The following ESRRG variants were observed in gnomAD, a reference collection of about 807,000 sequenced individuals.
The protein encoded by ESRRG is estrogen-related receptor gamma.
ESRRG carries 13 observed loss-of-function variants against 44.0 expected under a neutral mutation model. That is an observed-to-expected ratio of 0.30 (90% CI 0.19 to 0.47). The LOEUF (loss-of-function observed/expected upper bound fraction) is 0.47, where lower values mean the gene tolerates loss of function less well. Among genes scored for constraint, ESRRG ranks in the 20% least tolerant of loss-of-function variants. The pLI, the probability that ESRRG is intolerant of heterozygous loss-of-function variation, is 1.00. For missense variants in ESRRG, 395 were observed against 580.6 expected (o/e 0.68, Z 3.29); for synonymous variants, 215 against 214.6 (o/e 1.00, Z -0.02).
chr1:217,118,655 T>C (rs894898455), intron 1 of ESRRG, among the ~76,000 whole-genome samples: 1 of 152,146 alleles, frequency 6.6e-6, no homozygotes, highest in Non-Finnish European at 1.5e-5. Flanking sequence ...CTCAGTTATC[T>C]GCACAGTTAA....
At chr1:216,763,505 G>A (rs996191414) in intron 2 of ESRRG, among the ~76,000 whole-genome samples, 13 of 152,082 alleles carry the variant, frequency 8.5e-5, no homozygotes, top group African/African-American at 3.1e-4. Context: ...AAAGAGGGAG[G>A]AGAATGAAAG....
chr1:216,692,308 G>C (rs566084977), intron 1 of ESRRG, among the ~76,000 whole-genome samples: 63 of 29,348 alleles, frequency 2.1e-3, no homozygotes, highest in African/African-American at 8.4e-3. Context: ...GCCTAGGCTA[G>C]TGTATGTGTG....
intron 1 of ESRRG, among the ~76,000 whole-genome samples, chr1:216,972,408 A>C (rs1430042806): frequency 1.3e-5 from 2 of 152,182 alleles, no homozygotes; most frequent in Non-Finnish European, 2.9e-5. Flanking sequence ...AACTGAGTAC[A>C]TTAATTGCTA....
intron 3 of ESRRG, among the ~76,000 whole-genome samples, chr1:216,619,476 T>C (rs1375728488): frequency 6.6e-6 from 1 of 152,206 alleles, no homozygotes; most frequent in Admixed American, 6.5e-5. Flanking sequence ...CTTACCTTCA[T>C]TGGCTTTCAA....
At chr1:217,026,912 C>G (rs12137948) in intron 1 of ESRRG, among the ~76,000 whole-genome samples, 19,054 of 92,546 alleles carry the variant, frequency 0.21, 2,360 homozygotes, top group East Asian at 0.44. Flanking sequence ...CACACACACA[C>G]AGAGAGAGAG....
rs2091985434 is a variant in ESRRG at position 217,084,898 on chromosome 1, A to G, written c.-106+4609T>C. Among the ~76,000 whole-genome samples, 3 of 152,344 alleles carry G rather than the reference A, an allele frequency of 2.0e-5. No individual in the cohort carries two copies. The Middle Eastern group carries it at 0.01, about 518-fold the overall frequency. The stretch of plus-strand genomic sequence containing the variant: ...TTAAATGAACAAAGTATCCTTCATA[A>G]TAAAAATGTAAATAAAGGCCTGATT... On this transcript the variant is annotated intron_variant, in intron 1 of 7. Transcript: ENST00000359162.
chr1:216,967,495 C>G (rs764673252), intron 1 of ESRRG, among the ~76,000 whole-genome samples: 10 of 152,220 alleles, frequency 6.6e-5, no homozygotes, highest in Non-Finnish European at 1.3e-4. Context: ...TACTATATAG[C>G]CTTTTCAAAT....
rs527826080 is a variant in ESRRG at position 216,504,191 on chromosome 1, A to G, written c.*2748T>C. ...TAATGTGATACAGTGAAAACAATGTATATATTGTATATATTTTATTTATAT... is the reference window on the plus strand; with the variant it reads ...TAATGTGATACAGTGAAAACAATGTGTATATTGTATATATTTTATTTATAT... On this transcript the variant is annotated 3_prime_UTR_variant, in exon 7 of 7. Coordinates refer to ENST00000408911, the MANE Select transcript of ESRRG (RefSeq NM_001438.4). The G allele has an allele frequency of 6.6e-6, 1 of 152,300 alleles. No individual in the cohort carries two copies. The highest frequency in any genetic ancestry group is 1.9e-4 in the East Asian group (1 of 5,188). The allele number at this position is 152,300 out of a possible 1,614,324, so 9.4% of individuals were successfully genotyped here.
chr1:216,574,298 A>G (rs2061322227), intron 3 of ESRRG, among the ~76,000 whole-genome samples: 1 of 152,148 alleles, frequency 6.6e-6, no homozygotes, highest in South Asian at 2.1e-4. Context: ...TACAAATCTT[A>G]TACATTGTCA....
chr1:216,987,198 T>C (rs1372400793), intron 1 of ESRRG, among the ~76,000 whole-genome samples: 1 of 152,270 alleles, frequency 6.6e-6, no homozygotes, highest in Non-Finnish European at 1.5e-5. Context: ...TTTCCCATTC[T>C]GAACAAATAT....
At chr1:216,675,308 C>T (rs1262797931) in intron 2 of ESRRG, among the ~76,000 whole-genome samples, 2 of 151,378 alleles carry the variant, frequency 1.3e-5, no homozygotes, top group African/African-American at 2.4e-5. Flanking sequence ...TGCAGTGAGC[C>T]GAGATCATGC....
chr1:216,877,570 AT>A lies in ESRRG; in HGVS notation c.-14+62011del, dbSNP rs971149926. Among the ~76,000 whole-genome samples, 2 of 151,412 alleles carry A rather than the reference AT, an allele frequency of 1.3e-5. 1 individual carries two copies. The highest frequency in any genetic ancestry group is 1.3e-4 in the Admixed American group (2 of 15,174). ...AGGCACGCACCACCATACCTGGCTA[AT>A]TTTTTTGTATTTTTTAGTAGAGACA... On this transcript the variant is annotated intron_variant, in intron 2 of 7. Transcript: ENST00000359162.
chr1:217,118,788 T>C (rs1580621840), intron 1 of ESRRG, among the ~76,000 whole-genome samples: 2 of 151,902 alleles, frequency 1.3e-5, no homozygotes, highest in African/African-American at 4.8e-5. Flanking sequence ...GGCCAGGAGC[T>C]TAAGACCAGC....
chr1:216,780,391 G>A (rs77752886), intron 2 of ESRRG, among the ~76,000 whole-genome samples: 2 of 151,922 alleles, frequency 1.3e-5, no homozygotes, highest in African/African-American at 4.8e-5. Context: ...ATGGACCCTG[G>A]GAATGCCTGG....
intron 2 of ESRRG, among the ~76,000 whole-genome samples, chr1:216,930,186 T>G (rs1406671941): frequency 1.3e-5 from 2 of 152,218 alleles, no homozygotes; most frequent in African/African-American, 4.8e-5. Flanking sequence ...CTTGCATCTT[T>G]AATCTCCCTT....
At chr1:216,537,502 G>A (rs2051337425) in intron 5 of ESRRG, among the ~76,000 whole-genome samples, 1 of 152,096 alleles carries the variant, frequency 6.6e-6, no homozygotes, top group African/African-American at 2.4e-5. Flanking sequence ...TTGGTTCAGA[G>A]AATTTTACAG....
intron 2 of ESRRG, among the ~76,000 whole-genome samples, chr1:216,777,364 C>A (rs761612827): frequency 4.6e-5 from 7 of 152,070 alleles, no homozygotes; most frequent in African/African-American, 1.7e-4. Flanking sequence ...TGTCAGCCAG[C>A]GCAACACGAA....
At chr1:216,685,907 T>C (rs1033117637) in intron 1 of ESRRG, among the ~76,000 whole-genome samples, 2 of 152,204 alleles carry the variant, frequency 1.3e-5, no homozygotes, top group Non-Finnish European at 2.9e-5. Context: ...AAAGGTACTC[T>C]GCAACTGAGT....
At chr1:216,818,980 T>C (rs2095227709) in intron 2 of ESRRG, among the ~76,000 whole-genome samples, 1 of 152,224 alleles carries the variant, frequency 6.6e-6, no homozygotes, top group Non-Finnish European at 1.5e-5. Context: ...TTCCATGGTG[T>C]ATATATACCA....
Sources: allele counts gnomAD v4.1 joint callset (sites outside exome capture counted in the v4.1 genomes callset), GRCh38; gene constraint gnomAD v4.1.1; transcripts MANE v1.5; gene names NCBI Gene and HGNC (gene_info 2026-07-23, HGNC 2026-07-21).